Variants in ZFHX3 observed in about 807,000 individuals in gnomAD.
ZFHX3 encodes zinc finger homeobox protein 3.
A neutral mutation model predicts 279.1 loss-of-function variants in ZFHX3; 42 were observed. That is an observed-to-expected ratio of 0.15 (90% CI 0.12 to 0.19). The LOEUF (loss-of-function observed/expected upper bound fraction) is 0.19. ZFHX3 is among the 10% of genes least tolerant of loss of function. ZFHX3 has a pLI of 1.00. For synonymous variants in ZFHX3, 2,293 were observed against 1,957.8 expected (o/e 1.17, Z -4.52); for missense variants, 4,981 against 4,754.0 (o/e 1.05, Z -1.40).
chr16:73,466,162 C>A lies in ZFHX3; in HGVS notation c.-1546-9904G>T, dbSNP rs571197154. 2.9e-5 allele frequency among the ~76,000 whole-genome samples: 4 copies of A among 139,622 alleles called. No homozygotes were observed. In the South Asian group the frequency reaches 9.1e-4, roughly 32 times the overall value. 91.6% of individuals were successfully genotyped at this position (139,622 alleles called of 152,430 possible). A position where few individuals can be genotyped will look rare whatever the true frequency, so the allele number is the denominator to read the frequency against. On this transcript the variant is annotated intron_variant, in intron 2 of 17. Transcript: ENST00000641206. ...GGAGGCCCACATTCTGCACAGAAAT[C>A]ATTCTTTTCAATCGCATGAAAAAAA...
At chr16:73,651,278 G>A (rs1187070782) in intron 2 of ZFHX3, among the ~76,000 whole-genome samples, 1 of 151,804 alleles carries the variant, frequency 6.6e-6, no homozygotes, top group East Asian at 1.9e-4. Context: ...AGACTCAGGG[G>A]ATGATATAGT....
intron 2 of ZFHX3, among the ~76,000 whole-genome samples, chr16:73,678,510 T>C (rs2052976844): frequency 6.6e-6 from 1 of 152,172 alleles, no homozygotes; most frequent in Non-Finnish European, 1.5e-5. Flanking sequence ...GTTGATATTG[T>C]TTTCATAAAA....
At chr16:72,831,357 A>G (rs2037056006) in intron 4 of ZFHX3, among the ~76,000 whole-genome samples, 1 of 152,050 alleles carries the variant, frequency 6.6e-6, no homozygotes, top group Non-Finnish European at 1.5e-5. Flanking sequence ...GTCACTGGGA[A>G]TACAGGTGAA....
At chr16:73,844,578 C>G (rs1249104912) in intron 1 of ZFHX3, among the ~76,000 whole-genome samples, 1 of 151,464 alleles carries the variant, frequency 6.6e-6, no homozygotes, top group African/African-American at 2.4e-5. Context: ...AAACTAAGAC[C>G]CTGAGATGAT....
chr16:73,586,628 A>C (rs2143833184), intron 2 of ZFHX3, among the ~76,000 whole-genome samples: 1 of 152,304 alleles, frequency 6.6e-6, no homozygotes, highest in Admixed American at 6.5e-5. Flanking sequence ...CATATATATA[A>C]AATAAAAATT....
intron 4 of ZFHX3, among the ~76,000 whole-genome samples, chr16:72,858,072 C>T (rs961665188): frequency 1.4e-4 from 21 of 152,192 alleles, no homozygotes; most frequent in Admixed American, 2.6e-4. Context: ...TGATCTGGTG[C>T]GGCGGGGGGC....
rs186322258 is a variant in ZFHX3 at position 73,367,956 on chromosome 16, C to T, written c.-1290-49620G>A. Among the ~76,000 whole-genome samples, 511 of 151,600 alleles carry T rather than the reference C, an allele frequency of 3.4e-3. 3 individuals are homozygous for T. Among genetic ancestry groups the T allele is most frequent in the African/African-American group, 0.012 (487 of 41,236 alleles). On this transcript the variant is annotated intron_variant, in intron 3 of 17. Coordinates refer to the ZFHX3 transcript ENST00000641206. ...TGGTCTCAGCTCACTGCAACCTCCACCTCCTGGGTTTTCAAGCAATTCTTG... is the reference window on the plus strand; with the variant it reads ...TGGTCTCAGCTCACTGCAACCTCCATCTCCTGGGTTTTCAAGCAATTCTTG...
At chr16:73,173,014 T>C (rs931240830) in intron 5 of ZFHX3, among the ~76,000 whole-genome samples, 1 of 121,644 alleles carries the variant, frequency 8.2e-6, no homozygotes, top group South Asian at 2.6e-4. Context: ...TTTTGTTTTT[T>C]TTTTTTTTTT....
intron 1 of ZFHX3, among the ~76,000 whole-genome samples, chr16:73,054,996 G>A (rs1369122283): frequency 1.3e-5 from 2 of 151,384 alleles, no homozygotes; most frequent in Non-Finnish European, 2.9e-5. Context: ...TACAGCAGAC[G>A]AATTGGAAAG....
Position 72,958,939 on chromosome 16 carries a change from G to C in ZFHX3, c.1207C>G (p.Leu403Val). The C allele has an allele frequency of 6.3e-7, 1 of 1,598,128 alleles. No homozygotes were observed. Among genetic ancestry groups the C allele is most frequent in the Non-Finnish European group, 8.5e-7 (1 of 1,172,020 alleles). The change falls in exon 2 of 10, where the codon CTT becomes GTT. Residue 403 changes from leucine (L) to valine (V), a missense_variant. Coordinates refer to ENST00000268489, the MANE Select transcript of ZFHX3 (RefSeq NM_006885.4). ...AGTACCGAGCTGGTGAGCCCGCCAA[G>C]GTTCAACAGGGTGCTGGGGGTCAAG... ...GLLTPSTLLN[L>V]GGLTSSVLKT...
intron 8 of ZFHX3, among the ~76,000 whole-genome samples, chr16:73,072,656 C>G (rs533659237): frequency 6.6e-6 from 1 of 152,128 alleles, no homozygotes; most frequent in Non-Finnish European, 1.5e-5. Context: ...CCTCCAACAC[C>G]TGGGCTGAAG....
chr16:73,705,229 CA>C (rs1431968331), intron 1 of ZFHX3, among the ~76,000 whole-genome samples: 3 of 152,084 alleles, frequency 2.0e-5, no homozygotes, highest in Non-Finnish European at 4.4e-5. Flanking sequence ...AACCAATATG[CA>C]AAATTCCTGA....
At chr16:73,810,678 A>G (rs1960402705) in intron 1 of ZFHX3, among the ~76,000 whole-genome samples, 1 of 152,184 alleles carries the variant, frequency 6.6e-6, no homozygotes, top group Non-Finnish European at 1.5e-5. Flanking sequence ...TAAAAGACTT[A>G]GCCAAGGTCA....
chr16:73,496,280 C>T (rs1371141140), intron 2 of ZFHX3, among the ~76,000 whole-genome samples: 1 of 152,244 alleles, frequency 6.6e-6, no homozygotes, highest in Admixed American at 6.5e-5. Context: ...CCTGTAATCC[C>T]AGTACTTTGG....
intron 3 of ZFHX3, among the ~76,000 whole-genome samples, chr16:72,915,441 A>G (rs2039421041): frequency 6.6e-6 from 1 of 152,180 alleles, no homozygotes. Context: ...CCACCCAACT[A>G]GATCTCAAGA....
At chr16:72,854,215 G>C (rs1279919317) in intron 4 of ZFHX3, among the ~76,000 whole-genome samples, 2 of 152,250 alleles carry the variant, frequency 1.3e-5, no homozygotes, top group Admixed American at 1.3e-4. Flanking sequence ...TCCCTCCCCT[G>C]CCTGCTAACT....
chr16:73,636,399 C>A (rs1401298173), intron 2 of ZFHX3, among the ~76,000 whole-genome samples: 1 of 152,070 alleles, frequency 6.6e-6, no homozygotes, highest in African/African-American at 2.4e-5. Context: ...TTTAGAAATT[C>A]CGGCCAAAGC....
At chr16:73,355,097 T>G (rs1365378559) in intron 3 of ZFHX3, among the ~76,000 whole-genome samples, 1 of 152,162 alleles carries the variant, frequency 6.6e-6, no homozygotes, top group Non-Finnish European at 1.5e-5. Flanking sequence ...TAGAGGTGTG[T>G]TCGGGGGATA....
chr16:73,227,906 T>C (rs941558974), intron 5 of ZFHX3, among the ~76,000 whole-genome samples: 17 of 147,544 alleles, frequency 1.2e-4, no homozygotes, highest in African/African-American at 4.1e-4. Context: ...TAACAACAAT[T>C]ATTATAACAA....
Sources: gnomAD v4.1 joint callset for allele counts (sites outside exome capture counted in the v4.1 genomes callset) on GRCh38, gnomAD v4.1.1 for gene constraint, MANE v1.5 for transcripts, NCBI Gene and HGNC (gene_info 2026-07-23, HGNC 2026-07-21) for gene names.